RASSF5: variants seen among roughly 807,000 people sequenced by gnomAD.
The protein encoded by RASSF5 is ras association domain-containing protein 5.
Under a neutral mutation model 40.5 loss-of-function variants are expected in RASSF5, and 25 were observed. That is an observed-to-expected ratio of 0.62 (90% confidence interval 0.45 to 0.86). The LOEUF (loss-of-function observed/expected upper bound fraction) is 0.86. RASSF5 is among the 40% of genes least tolerant of loss of function. The probability of loss-of-function intolerance (pLI) is 0.00; values close to 1 mark genes in which losing one functional copy is unlikely to be tolerated. For missense variants in RASSF5, 521 were observed against 572.8 expected, an observed-to-expected ratio of 0.91 and a Z score of 0.92; for synonymous variants, 246 against 252.4, an observed-to-expected ratio of 0.97 and a Z score of 0.24.
intron 2 of RASSF5, chr1:206,542,618 C>G (rs1479599736): frequency 6.6e-6 from 1 of 152,310 alleles, no homozygotes; most frequent in Non-Finnish European, 1.5e-5. Context: ...CCCAGGCCCT[C>G]AGCTGCAAAG....
chr1:206,581,426 C>T (rs1279829062), intron 2 of RASSF5, among the ~76,000 whole-genome samples: 2 of 152,012 alleles, frequency 1.3e-5, no homozygotes, highest in Non-Finnish European at 2.9e-5. Context: ...GGTGAAATCC[C>T]GTCTCTACTA....
intron 2 of RASSF5, chr1:206,581,056 T>C (rs1668853225): frequency 6.6e-6 from 1 of 152,232 alleles, no homozygotes; most frequent in African/African-American, 2.4e-5. Flanking sequence ...ACATGGTGAA[T>C]TGAGAAGAGC....
rs1339179744 is a variant in RASSF5 at position 206,513,337 on chromosome 1, C to T, written c.457+5278C>T. ...CACATCTCTGGCCTCACCAGAGGCC[C>T]TTCCTGTTCGCATTCCTCAGATGGC... is the stretch of plus-strand genomic sequence containing the variant. On this transcript the variant is annotated intron_variant, in intron 1 of 5. Coordinates refer to ENST00000579436, the MANE Select transcript of RASSF5 (RefSeq NM_182663.4). The surrounding 1 kb of genome is among the most constrained non-coding windows in gnomAD (Gnocchi z 5.0). Among the ~76,000 whole-genome samples the T allele has an allele frequency of 6.6e-6, 1 of 152,238 alleles. No homozygotes were observed.
At chr1:206,583,406 G>A (rs782229900) in intron 3 of RASSF5, 27 bp downstream of exon 3, 1 of 1,497,898 alleles carries the variant, frequency 6.7e-7, no homozygotes, top group Non-Finnish European at 9.3e-7. Flanking sequence ...CCTCAACCTG[G>A]CCCCTGCTCC....
intron 1 of RASSF5, 90 bp from the exon 2 acceptor site, chr1:206,538,082 A>T (rs556052878): frequency 2.6e-6 from 4 of 1,564,470 alleles, no homozygotes; most frequent in Non-Finnish European, 3.5e-6. Flanking sequence ...CCCACTGGGA[A>T]CTAATGCAAT....
At position 206,531,085 on chromosome 1, in the gene RASSF5, G is replaced by A. The variant is rs902450612; in HGVS notation, c.458-7087G>A. On this transcript the variant is annotated intron_variant, in intron 1 of 5. Transcript: ENST00000579436. The surrounding 1 kb of genome is among the most constrained non-coding windows in gnomAD (Gnocchi z 4.7). ...CATTCTCATTTGATTCTCAACAACC[G>A]TACTGCTATCATCTCCATTTAACAG... 1.3e-5 allele frequency among the ~76,000 whole-genome samples: 2 copies of A among 152,218 alleles called. No individual in the cohort carries two copies. The highest frequency in any genetic ancestry group is 2.1e-4 in the South Asian group (1 of 4,836).
At chr1:206,568,281 C>G (rs1407147612) in intron 2 of RASSF5, among the ~76,000 whole-genome samples, 3 of 152,196 alleles carry the variant, frequency 2.0e-5, no homozygotes, top group African/African-American at 7.2e-5. Flanking sequence ...CCCTGAGCAC[C>G]TGGGTGCCAA....
At chr1:206,586,670 C>A in intron 5 of RASSF5, 156 bp from the exon 6 acceptor site, 1 of 658,074 alleles carries the variant, frequency 1.5e-6, no homozygotes. Flanking sequence ...CATGCAAAGC[C>A]CAGGCTTCGC....
rs1042065577 is a variant in RASSF5, at chr1:206,507,538, G to A, written c.-65G>A. On this transcript the variant is annotated 5_prime_UTR_variant, in exon 1 of 6. Transcript: ENST00000579436. ...GGTGTGGGGCGGCCCCTTCTCTCGG[G>A]GCTGGCTCGGGAGTAGCGCAGTCGC... is the stretch of plus-strand genomic sequence containing the variant. 4.7e-6 allele frequency: 6 copies of A among 1,286,050 alleles called. No homozygotes were observed. Among genetic ancestry groups the A allele is most frequent in the Admixed American group, 6.8e-5 (2 of 29,200 alleles). 79.7% of individuals were successfully genotyped at this position (1,286,050 alleles called of 1,614,324 possible).
In RASSF5 at chr1:206,507,721, G is replaced by T. The variant is rs993098629; in HGVS notation, c.119G>T (p.Arg40Leu). The T allele has an allele frequency of 1.3e-6, 2 of 1,483,630 alleles. No homozygotes were observed. Among genetic ancestry groups the T allele is most frequent in the Non-Finnish European group, 1.8e-6 (2 of 1,123,924 alleles). 91.9% of individuals were successfully genotyped at this position (1,483,630 alleles called of 1,614,324 possible). A position where few individuals can be genotyped will look rare whatever the true frequency, so the allele number is the denominator to read the frequency against. ...GAGCTACCGCCGCCGCCCCCCGACC[G>T]GTCCTCGCGCCTCTGTGTCCCGGCG... ...GPELPPPPPD[R>L]SSRLCVPAPL... The change falls in exon 1 of 6, where the codon CGG becomes CTG. Residue 40 changes from arginine (R) to leucine (L), a missense_variant. Arg to Leu is a moderately radical substitution (Grantham distance 102, BLOSUM62 -2). Transcript: ENST00000579436.
At chr1:206,576,272 C>T (rs534365821) in intron 2 of RASSF5, among the ~76,000 whole-genome samples, 3 of 152,318 alleles carry the variant, frequency 2.0e-5, no homozygotes, top group South Asian at 2.1e-4. Context: ...AGATCTGTGA[C>T]GATGGTAATT....
intron 2 of RASSF5, among the ~76,000 whole-genome samples, chr1:206,562,174 C>T (rs1668164770): frequency 6.6e-6 from 1 of 152,120 alleles, no homozygotes; most frequent in Non-Finnish European, 1.5e-5. Flanking sequence ...CCAGTCAGCT[C>T]CTCCCTGGAC....
intron 2 of RASSF5, among the ~76,000 whole-genome samples, chr1:206,550,136 C>G (rs187000487): frequency 5.7e-4 from 87 of 152,196 alleles, no homozygotes; most frequent in African/African-American, 1.8e-3. Context: ...GGGAGTAAAT[C>G]TAGGGATCAA....
chr1:206,520,606 CAAA>C (rs548392441), intron 1 of RASSF5, among the ~76,000 whole-genome samples: 5 of 119,666 alleles, frequency 4.2e-5, no homozygotes, highest in African/African-American at 3.2e-5. Flanking sequence ...GACTCCATCT[CAAA>C]AAAAAAAAAA....
At chr1:206,524,915 C>T (rs1330942314) in intron 1 of RASSF5, among the ~76,000 whole-genome samples, 4 of 151,570 alleles carry the variant, frequency 2.6e-5, no homozygotes, top group Admixed American at 1.3e-4. Context: ...GGACATGCTT[C>T]GGGCTACAGC....
intron 1 of RASSF5, among the ~76,000 whole-genome samples, chr1:206,521,239 T>C (rs1202030443): frequency 6.6e-6 from 1 of 152,192 alleles, no homozygotes; most frequent in Middle Eastern, 3.2e-3. Context: ...GCTGCAGCGA[T>C]GCAGCTGTAA....
At chr1:206,529,685 A>T in intron 1 of RASSF5, 1 of 743,614 alleles carries the variant, frequency 1.3e-6, no homozygotes, top group Non-Finnish European at 2.5e-6. Context: ...AGGCTAAAGA[A>T]CTTGCCACTA....
intron 2 of RASSF5, among the ~76,000 whole-genome samples, chr1:206,571,791 T>G (rs943573234): frequency 1.3e-5 from 2 of 152,184 alleles, no homozygotes; most frequent in Admixed American, 6.5e-5. Context: ...GACGCTGACC[T>G]AGGTGAGGCT....
chr1:206,528,241 AT>A (rs1329287855), intron 1 of RASSF5, among the ~76,000 whole-genome samples: 1 of 152,154 alleles, frequency 6.6e-6, no homozygotes, highest in Non-Finnish European at 1.5e-5. Flanking sequence ...AATTTTTTTA[AT>A]TAAAAAAAAA....
Sources: allele counts gnomAD v4.1 joint callset (sites outside exome capture counted in the v4.1 genomes callset), GRCh38; gene constraint gnomAD v4.1.1; non-coding constraint Gnocchi (gnomAD v3.1); transcripts MANE v1.5; gene names NCBI Gene and HGNC (gene_info 2026-07-23, HGNC 2026-07-21).